The following ELOVL6 variants were observed in gnomAD, a reference collection of about 807,000 sequenced individuals.
The protein encoded by ELOVL6 is very long chain fatty acid elongase 6.
Under a neutral mutation model 31.7 loss-of-function variants are expected in ELOVL6, and 8 were observed. The observed-to-expected ratio is 0.25, with a 90% CI of 0.15 to 0.45. ELOVL6 has a LOEUF of 0.45. Among genes scored for constraint, ELOVL6 ranks in the 20% least tolerant of loss-of-function variants. The pLI is 1.00. For synonymous variants in ELOVL6, 101 were observed against 117.7 expected (o/e 0.86, Z 0.92); for missense variants, 126 against 326.4 (o/e 0.39, Z 4.73).
intron 2 of ELOVL6, among the ~76,000 whole-genome samples, chr4:110,073,987 A>T (rs1755561201): frequency 6.6e-6 from 1 of 152,230 alleles, no homozygotes; most frequent in Admixed American, 6.5e-5. Context: ...TCAATTAGAT[A>T]TTAGGAGAAG....
At chr4:110,089,379 A>G (rs1252734156) in intron 2 of ELOVL6, among the ~76,000 whole-genome samples, 1 of 152,198 alleles carries the variant, frequency 6.6e-6, no homozygotes, top group Non-Finnish European at 1.5e-5. Context: ...CCACCAATAC[A>G]AAGGGCTGAC....
intron 2 of ELOVL6, among the ~76,000 whole-genome samples, chr4:110,100,117 T>C (rs1220736535): frequency 6.6e-6 from 1 of 152,160 alleles, no homozygotes; most frequent in East Asian, 1.9e-4. Flanking sequence ...AGGTGGAAGT[T>C]GGTCACTATG....
At chr4:110,077,130 G>A (rs898856904) in intron 2 of ELOVL6, among the ~76,000 whole-genome samples, 3 of 152,188 alleles carry the variant, frequency 2.0e-5, no homozygotes, top group South Asian at 4.1e-4. Context: ...GCTCAAGGAG[G>A]CCTGCCTGCC....
chr4:110,151,312 A>G (rs1758274894), intron 1 of ELOVL6, among the ~76,000 whole-genome samples: 1 of 151,920 alleles, frequency 6.6e-6, no homozygotes, highest in African/African-American at 2.4e-5. Flanking sequence ...ATTGTTTCAT[A>G]TACACCTTAT....
At chr4:110,151,015 C>A (rs1166316139) in intron 1 of ELOVL6, among the ~76,000 whole-genome samples, 1 of 151,238 alleles carries the variant, frequency 6.6e-6, no homozygotes, top group Non-Finnish European at 1.5e-5. Context: ...TGCACTCCAG[C>A]CTGAGAGACA....
In ELOVL6 at chr4:110,046,787, C is replaced by T. The variant is rs1159244927; in HGVS notation, c.*4551G>A. ...AGTCTTGGACACCAGCATACAGAGG[C>T]TGTTGCTCATTGGCAAACTGGGACC... is the stretch of plus-strand genomic sequence containing the variant. On this transcript the variant is annotated 3_prime_UTR_variant, in exon 4 of 4. Coordinates refer to ENST00000302274, the MANE Select transcript of ELOVL6 (RefSeq NM_024090.3). 6.6e-6 allele frequency: 1 copy of T among 152,196 alleles called. No individual in the cohort carries two copies. The highest frequency in any genetic ancestry group is 1.9e-4 in the East Asian group (1 of 5,188). 9.4% of individuals were successfully genotyped at this position (152,196 alleles called of 1,614,324 possible).
chr4:110,084,213 T>TATATGTGATATATGATATATATAAC (rs1406798208), intron 2 of ELOVL6, among the ~76,000 whole-genome samples: 1 of 75,496 alleles, frequency 1.3e-5, no homozygotes, highest in Non-Finnish European at 2.3e-5. Flanking sequence ...ATATATAACA[T>TATATGTGATATATGATATATATAAC]ATAACTTATA....
At chr4:110,193,050 ATGAATGTAGAAGGTTGCAAG>A (rs1179934511) in intron 1 of ELOVL6, among the ~76,000 whole-genome samples, 2 of 152,218 alleles carry the variant, frequency 1.3e-5, no homozygotes, top group African/African-American at 4.8e-5. Flanking sequence ...TTTCTTACAA[ATGAATGTAGAAGGTTGCAAG>A]GAAGACTTCA....
At chr4:110,119,735 G>A (rs999461890) in intron 1 of ELOVL6, among the ~76,000 whole-genome samples, 1 of 152,002 alleles carries the variant, frequency 6.6e-6, no homozygotes, top group Non-Finnish European at 1.5e-5. Flanking sequence ...GACCTTTTGG[G>A]GAAAATCTTA....
At chr4:110,183,588 T>C (rs879299506) in intron 1 of ELOVL6, among the ~76,000 whole-genome samples, 2 of 151,770 alleles carry the variant, frequency 1.3e-5, no homozygotes, top group African/African-American at 2.4e-5. Flanking sequence ...ATAATAACCA[T>C]TGTTTTACCA....
intron 1 of ELOVL6, among the ~76,000 whole-genome samples, chr4:110,121,528 C>A (rs1757356414): frequency 6.6e-6 from 1 of 152,152 alleles, no homozygotes; most frequent in African/African-American, 2.4e-5. Context: ...GAAACCCCGT[C>A]TCTACTAAAA....
At chr4:110,127,960 C>G (rs938698163) in intron 1 of ELOVL6, among the ~76,000 whole-genome samples, 40 of 151,380 alleles carry the variant, frequency 2.6e-4, no homozygotes, top group African/African-American at 9.2e-4. Context: ...GTAATCCCAG[C>G]ACTTTGGGAG....
At chr4:110,075,488 T>C (rs1755603225) in intron 2 of ELOVL6, among the ~76,000 whole-genome samples, 1 of 152,208 alleles carries the variant, frequency 6.6e-6, no homozygotes, top group Admixed American at 6.5e-5. Context: ...GAGGACATTA[T>C]GCTAAGTGAC....
chr4:110,084,431 A>ATCATATATGATATATC (rs1560815374), intron 2 of ELOVL6, among the ~76,000 whole-genome samples: 1 of 116,420 alleles, frequency 8.6e-6, no homozygotes, highest in Non-Finnish European at 1.7e-5. Context: ...TATCACATAT[A>ATCATATATGATATATC]TCATATATGA....
intron 1 of ELOVL6, among the ~76,000 whole-genome samples, chr4:110,147,947 T>C (rs1758169730): frequency 6.6e-6 from 1 of 152,028 alleles, no homozygotes. Context: ...AAACCCCATC[T>C]CTACTAAATA....
chr4:110,065,439 C>T (rs1755273168), intron 2 of ELOVL6, among the ~76,000 whole-genome samples: 1 of 152,102 alleles, frequency 6.6e-6, no homozygotes, highest in African/African-American at 2.4e-5. Flanking sequence ...CCAGCCTGGG[C>T]AATATGGTAA....
At chr4:110,190,319 G>A (rs9994379) in intron 1 of ELOVL6, among the ~76,000 whole-genome samples, 147,207 of 152,258 alleles carry the variant, frequency 0.97, 71,205 homozygotes, top group East Asian at 1. Context: ...AACTAACTCA[G>A]CAAAGGGTTT....
chr4:110,094,330 G>A (rs1255191938), intron 2 of ELOVL6, among the ~76,000 whole-genome samples: 6 of 145,704 alleles, frequency 4.1e-5, no homozygotes, highest in Non-Finnish European at 7.5e-5. Flanking sequence ...GAGGCAGGAG[G>A]ATCCTTGAGC....
In ELOVL6 at chr4:110,173,585, C is replaced by T. The variant is rs182949831; in HGVS notation, c.89+24662G>A. ...AAATTTCCTCAACTGTAAAAAATTC[C>T]TTGATCAGGTCAAGTGACATGGACT... On this transcript the variant is annotated intron_variant, in intron 1 of 3. Coordinates refer to ENST00000302274, the MANE Select transcript of ELOVL6 (RefSeq NM_024090.3). Among the ~76,000 whole-genome samples the T allele has an allele frequency of 6.4e-3, 948 of 147,866 alleles. 18 individuals are homozygous for T. The highest frequency in any genetic ancestry group is 0.022 in the African/African-American group (870 of 40,312).
Sources: allele counts gnomAD v4.1 joint callset (sites outside exome capture counted in the v4.1 genomes callset), GRCh38; gene constraint gnomAD v4.1.1; transcripts MANE v1.5; gene names NCBI Gene and HGNC (gene_info 2026-07-23, HGNC 2026-07-21).